Variants in SUMF1 observed in about 807,000 individuals in gnomAD.
SUMF1 encodes the protein sulfatase modifying factor 1.
SUMF1 carries 48 observed loss-of-function variants against 47.6 expected under a neutral mutation model. That is an observed-to-expected ratio of 1.01 (90% confidence interval 0.80 to 1.28). SUMF1 has a LOEUF of 1.28. Among genes scored for constraint, SUMF1 ranks in the 50% most tolerant of loss-of-function variants. The probability of loss-of-function intolerance (pLI) is 0.00; values close to 1 mark genes in which losing one functional copy is unlikely to be tolerated. For synonymous variants in SUMF1, 230 were observed against 192.1 expected (o/e 1.20, Z -1.63); for missense variants, 571 against 485.4 (o/e 1.18, Z -1.66).
intron 9 of SUMF1, among the ~76,000 whole-genome samples, chr3:4,062,571 G>C (rs1265162793): frequency 1.3e-5 from 2 of 152,136 alleles, no homozygotes; most frequent in African/African-American, 4.8e-5. Context: ...TAGATAGAAA[G>C]AACACTGCAG....
chr3:4,147,142 G>A (rs369164858), intron 8 of SUMF1, among the ~76,000 whole-genome samples: 78 of 151,848 alleles, frequency 5.1e-4, no homozygotes, highest in African/African-American at 1.6e-3. Flanking sequence ...TTAGAATGGC[G>A]ATCATTAAAA....
chr3:4,116,061 C>T (rs1214481458), intron 8 of SUMF1, among the ~76,000 whole-genome samples: 1 of 152,094 alleles, frequency 6.6e-6, no homozygotes, highest in Non-Finnish European at 1.5e-5. Context: ...TCTCCAAACC[C>T]ATTATATGAT....
intron 9 of SUMF1, among the ~76,000 whole-genome samples, chr3:4,040,434 T>C (rs1468161801): frequency 1.3e-5 from 2 of 152,164 alleles, no homozygotes; most frequent in Admixed American, 1.3e-4. Context: ...AGGCGTCTAA[T>C]AACCCTTCCT....
chr3:4,075,403 G>A (rs570851339), intron 8 of SUMF1, among the ~76,000 whole-genome samples: 22 of 152,142 alleles, frequency 1.4e-4, no homozygotes, highest in African/African-American at 5.1e-4. Context: ...GGCAAAAACT[G>A]AAAGCATTCC....
chr3:4,040,568 A>G (rs74456761), intron 9 of SUMF1, among the ~76,000 whole-genome samples: 6,086 of 152,304 alleles, frequency 0.04, 429 homozygotes, highest in African/African-American at 0.14. Context: ...ACTCGTAACA[A>G]TCAAGCCAGT....
At chr3:4,188,833 T>C (rs924132702) in intron 8 of SUMF1, among the ~76,000 whole-genome samples, 1 of 152,202 alleles carries the variant, frequency 6.6e-6, no homozygotes, top group Admixed American at 6.5e-5. Flanking sequence ...TTGTACATGG[T>C]ATCCCTATTA....
chr3:4,462,367 G>C (rs1488674256), intron 1 of SUMF1, among the ~76,000 whole-genome samples: 1 of 152,122 alleles, frequency 6.6e-6, no homozygotes, highest in African/African-American at 2.4e-5. Context: ...GACATTACCT[G>C]ACAATGGAGC....
intron 9 of SUMF1, among the ~76,000 whole-genome samples, chr3:4,041,554 C>T (rs1694908057): frequency 6.6e-6 from 1 of 152,134 alleles, no homozygotes; most frequent in South Asian, 2.1e-4. Flanking sequence ...TGGTAAAATT[C>T]CCCTAATACA....
intron 8 of SUMF1, among the ~76,000 whole-genome samples, chr3:4,130,601 A>C (rs1693765114): frequency 6.6e-6 from 1 of 152,032 alleles, no homozygotes; most frequent in East Asian, 1.9e-4. Context: ...ATCCAACTAA[A>C]ATTCGGGGAA....
At chr3:4,456,924 G>GTA (rs1313106680) in intron 1 of SUMF1, among the ~76,000 whole-genome samples, 2 of 110,200 alleles carry the variant, frequency 1.8e-5, no homozygotes, top group Non-Finnish European at 3.9e-5. Context: ...ACGTGTGTGT[G>GTA]TATATATATA....
At chr3:4,313,610 G>T in intron 8 of SUMF1, 1 of 1,614,098 alleles carries the variant, frequency 6.2e-7, no homozygotes, top group Non-Finnish European at 8.5e-7. Flanking sequence ...TGTTACTGTG[G>T]TGCCAAATCA....
intron 8 of SUMF1, among the ~76,000 whole-genome samples, chr3:4,261,831 A>T (rs1216723219): frequency 6.6e-6 from 1 of 152,166 alleles, no homozygotes; most frequent in Non-Finnish European, 1.5e-5. Flanking sequence ...CGCTGCTGGC[A>T]CCTGAGTACT....
intron 8 of SUMF1, among the ~76,000 whole-genome samples, chr3:4,208,748 T>C (rs1006216336): frequency 3.3e-5 from 5 of 151,776 alleles, no homozygotes; most frequent in Admixed American, 6.6e-5. Context: ...CAAGCTTGAG[T>C]ATGTGACAAT....
At chr3:4,460,039 G>A (rs534606760) in intron 1 of SUMF1, among the ~76,000 whole-genome samples, 44 of 152,146 alleles carry the variant, frequency 2.9e-4, no homozygotes, top group Non-Finnish European at 5.3e-4. Flanking sequence ...AAAAAGAAGA[G>A]GGGGATAAAA....
intron 8 of SUMF1, among the ~76,000 whole-genome samples, chr3:4,215,690 G>A (rs1486051774): frequency 6.6e-6 from 1 of 152,144 alleles, no homozygotes; most frequent in African/African-American, 2.4e-5. Context: ...AGCAACTTCA[G>A]AAAAGTCTCA....
chr3:4,113,693 AT>A (rs749221058), intron 8 of SUMF1, among the ~76,000 whole-genome samples: 3 of 152,062 alleles, frequency 2.0e-5, no homozygotes, highest in Non-Finnish European at 2.9e-5. Context: ...TTTGGAAGAT[AT>A]GCCACTCTTA....
intron 8 of SUMF1, among the ~76,000 whole-genome samples, chr3:4,375,817 C>A (rs1445235390): frequency 6.6e-6 from 1 of 152,134 alleles, no homozygotes; most frequent in Non-Finnish European, 1.5e-5. Flanking sequence ...CCAGCTCAGA[C>A]ACTAAAATCA....
intron 8 of SUMF1, among the ~76,000 whole-genome samples, chr3:4,353,902 C>T (rs1246527498): frequency 1.3e-5 from 2 of 152,106 alleles, no homozygotes; most frequent in African/African-American, 4.8e-5. Context: ...ATGGCTCTGT[C>T]ACCCAGGCTG....
chr3:4,394,521 A>G (rs937558484), intron 7 of SUMF1, among the ~76,000 whole-genome samples: 11 of 152,212 alleles, frequency 7.2e-5, no homozygotes, highest in Non-Finnish European at 1.2e-4. Context: ...AAGTAATTCA[A>G]AGGTGTTAGA....
Sources: allele counts gnomAD v4.1 joint callset (sites outside exome capture counted in the v4.1 genomes callset), GRCh38; gene constraint gnomAD v4.1.1; transcripts MANE v1.5; gene names NCBI Gene and HGNC (gene_info 2026-07-23, HGNC 2026-07-21).